ADGRG4: variants seen among roughly 807,000 people sequenced by gnomAD.
ADGRG4 encodes adhesion G protein-coupled receptor G4.
In ADGRG4, 122 loss-of-function variants were observed where a neutral mutation model predicts 126.2. That is an observed-to-expected ratio of 0.97 (90% CI 0.83 to 1.12). The LOEUF is 1.12. Ranked by LOEUF, ADGRG4 falls within the 50% of genes most tolerant of loss-of-function variation. The pLI, the probability that ADGRG4 is intolerant of heterozygous loss-of-function variation, is 0.00. For missense variants in ADGRG4, 2,481 were observed against 2,251.8 expected, an observed-to-expected ratio of 1.10 and a Z score of -2.06; for synonymous variants, 943 against 838.7, an observed-to-expected ratio of 1.12 and a Z score of -2.15.
At position 136,345,927 on chromosome X, in the gene ADGRG4, A is replaced by T; in HGVS notation, c.2221A>T (p.Ile741Leu). Residue 741 changes from isoleucine to leucine, a missense_variant, in exon 6 of 26, where the codon ATA (isoleucine) becomes TTA (leucine). Ile to Leu is a conservative substitution (Grantham distance 5). Transcript: ENST00000394143. Reference protein sequence around the residue: ...LTSPWFANFSIVSGTTSITNM... With the variant: ...LTSPWFANFSLVSGTTSITNM... ...ATCACCATGGTTTGCTAATTTCTCCATAGTTTCTGGAACCACATCCATAAC... is the reference window on the plus strand; with the variant it reads ...ATCACCATGGTTTGCTAATTTCTCCTTAGTTTCTGGAACCACATCCATAAC... 1.7e-6 allele frequency: 2 copies of T among 1,210,658 alleles called. No individual in the cohort carries two copies. Among genetic ancestry groups the T allele is most frequent in the Non-Finnish European group, 2.2e-6 (2 of 894,502 alleles).
intron 5 of ADGRG4, among the ~76,000 whole-genome samples, chrX:136,334,074 CTCTT>C (rs201233200): frequency 0.1 from 8,847 of 88,512 alleles, 502 homozygotes; most frequent in East Asian, 0.17. Context: ...GAGGTTCTCT[CTCTT>C]TCTTTCTTTC....
At chrX:136,404,772 C>G (rs1156387256) in intron 22 of ADGRG4, among the ~76,000 whole-genome samples, 2 of 112,012 alleles carry the variant, frequency 1.8e-5, no homozygotes, top group Admixed American at 1.9e-4. Context: ...TGATGACATT[C>G]AGGGAACTCT....
chrX:136,348,013 T>C lies in ADGRG4; in HGVS notation c.4307T>C (p.Phe1436Ser). Reference protein sequence around the residue: ...ISNPMDINTTFSHLHSLRTQP... With the variant: ...ISNPMDINTTSSHLHSLRTQP... ...AATCCTATGGACATCAATACAACTTTTTCACACTTGCATTCACTTAGGACA... is the reference window on the plus strand; with the variant it reads ...AATCCTATGGACATCAATACAACTTCTTCACACTTGCATTCACTTAGGACA... The change falls in exon 6 of 26, where the codon TTT becomes TCT. Residue 1436 changes from phenylalanine (F) to serine (S), a missense_variant. Phe to Ser is a radical substitution (Grantham distance 155). Transcript: ENST00000394143. The C allele has an allele frequency of 8.3e-7, 1 of 1,210,977 alleles. No individual in the cohort carries two copies. The highest frequency in any genetic ancestry group is 1.8e-5 in the South Asian group (1 of 56,921).
In ADGRG4 at chrX:136,345,479, A is replaced by G. The variant is rs766527246; in HGVS notation, c.1773A>G (p.Ala591=). 1.4e-5 allele frequency: 17 copies of G among 1,209,374 alleles called. No homozygotes were observed. The highest frequency in any genetic ancestry group is 2.2e-6 in the Non-Finnish European group (2 of 894,883). Residue 591 remains alanine (A), a synonymous_variant, in exon 6 of 26, where the codon GCA becomes GCG. Transcript: ENST00000394143. ...RTALTPEITL[A]STVAETMLSS... ...CCTTAACTCCTGAAATCACACTTGCATCTACAGTGGCTGAAACTATGCTTT... is the reference window on the plus strand; with the variant it reads ...CCTTAACTCCTGAAATCACACTTGCGTCTACAGTGGCTGAAACTATGCTTT...
At chrX:136,378,125 C>T in intron 15 of ADGRG4, among the ~76,000 whole-genome samples, 1 of 110,641 alleles carries the variant, frequency 9.0e-6, no homozygotes, top group South Asian at 3.8e-4. Flanking sequence ...TTATTTAGTT[C>T]TATTTACATT....
intron 4 of ADGRG4, among the ~76,000 whole-genome samples, chrX:136,312,313 A>G (rs1313782906): frequency 1.8e-5 from 2 of 112,152 alleles, no homozygotes; most frequent in African/African-American, 6.5e-5. Context: ...CTGGCATTTG[A>G]GAAAAGATAT....
intron 5 of ADGRG4, among the ~76,000 whole-genome samples, chrX:136,335,092 G>A (rs182205544): frequency 9.0e-6 from 1 of 111,172 alleles, no homozygotes; most frequent in African/African-American, 3.3e-5. Context: ...AGATTGTATC[G>A]TGAAGGGATA....
chrX:136,346,491 G>A lies in ADGRG4; in HGVS notation c.2785G>A (p.Glu929Lys). The A allele has an allele frequency of 8.3e-7, 1 of 1,210,678 alleles. No individual in the cohort carries two copies. The highest frequency in any genetic ancestry group is 1.1e-6 in the Non-Finnish European group (1 of 894,617). The change falls in exon 6 of 26, where the codon GAA (glutamate) becomes AAA (lysine). Residue 929 changes from glutamate to lysine, a missense_variant. By Grantham distance (56) the Glu-to-Lys change is moderately conservative. Coordinates refer to ENST00000394143, the MANE Select transcript of ADGRG4 (RefSeq NM_153834.4). ...TPRSSYNEMT[E>K]MFNFNHTYVA... ...TAGGAGTTCATACAATGAAATGACAGAAATGTTTAATTTTAACCACACCTA... is the reference window on the plus strand; with the variant it reads ...TAGGAGTTCATACAATGAAATGACAAAAATGTTTAATTTTAACCACACCTA...
chrX:136,346,713 C>T lies in ADGRG4; in HGVS notation c.3007C>T (p.His1003Tyr). ...CTTACCTCCACAGCCTACAGCTGCT[C>T]ATTCCTCAGCAACCCCTGTGCCTGT... ...GILPPQPTAA[H>Y]SSATPVPVTH... The change falls in exon 6 of 26, where the codon CAT (histidine) becomes TAT (tyrosine). Residue 1003 changes from histidine to tyrosine, a missense_variant. Coordinates refer to ENST00000394143, the MANE Select transcript of ADGRG4 (RefSeq NM_153834.4). The T allele has an allele frequency of 4.1e-6, 5 of 1,210,110 alleles. No homozygotes were observed. The East Asian group carries it at 1.5e-4, about 36-fold the overall frequency.
At chrX:136,319,438 A>G (rs1279069496) in intron 4 of ADGRG4, among the ~76,000 whole-genome samples, 6 of 112,154 alleles carry the variant, frequency 5.3e-5, no homozygotes, top group Non-Finnish European at 1.1e-4. Flanking sequence ...GTAGGCAGTT[A>G]TTATTTCCAT....
intron 5 of ADGRG4, among the ~76,000 whole-genome samples, chrX:136,331,941 C>A (rs1452173577): frequency 4.6e-5 from 5 of 108,464 alleles, no homozygotes; most frequent in African/African-American, 1.7e-4. Flanking sequence ...CTCAGCCTCC[C>A]AAGTAGCTGG....
In ADGRG4 at chrX:136,346,057, C is replaced by T. The variant is rs914911331; in HGVS notation, c.2351C>T (p.Pro784Leu). The stretch of plus-strand genomic sequence containing the variant: ...TTGACACCAAGGGAGACTGTTGTTC[C>T]ATCAGTAGATATAATATCTACTCTT... The part of the protein sequence containing the change: ...LPLTPRETVV[P>L]SVDIISTLAC... The change falls in exon 6 of 26, where the codon CCA (proline) becomes CTA (leucine). Residue 784 changes from proline to leucine, a missense_variant. Physicochemically the swap from Pro to Leu is moderately conservative, Grantham distance 98. Coordinates refer to ENST00000394143, the MANE Select transcript of ADGRG4 (RefSeq NM_153834.4). 1.7e-6 allele frequency: 2 copies of T among 1,207,051 alleles called. No homozygotes were observed. The highest frequency in any genetic ancestry group is 1.8e-5 in the African/African-American group (1 of 57,048).
chrX:136,346,107 A>G lies in ADGRG4; in HGVS notation c.2401A>G (p.Thr801Ala), dbSNP rs781081646. 2 of 1,210,238 alleles carry G rather than the reference A, an allele frequency of 1.7e-6. No individual in the cohort carries two copies. Among genetic ancestry groups the G allele is most frequent in the South Asian group, 1.8e-5 (1 of 56,741 alleles). The change falls in exon 6 of 26, where the codon ACT (threonine) becomes GCT (alanine). Residue 801 changes from threonine to alanine, a missense_variant. Transcript: ENST00000394143. ...TLACIQPNFS[T>A]EESASETTQT... ...TGCTTGCATTCAACCAAATTTTTCT[A>G]CTGAGGAAAGTGCTTCTGAGACCAC...
chrX:136,317,205 A>T (rs976427762), intron 4 of ADGRG4, among the ~76,000 whole-genome samples: 11 of 111,488 alleles, frequency 9.9e-5, no homozygotes, highest in African/African-American at 3.6e-4. Flanking sequence ...ATTCTTAGAA[A>T]TGACACCAAA....
intron 13 of ADGRG4, 112 bp downstream of exon 13, chrX:136,363,707 C>A: frequency 1.9e-6 from 1 of 513,568 alleles, no homozygotes; most frequent in Non-Finnish European, 3.5e-6. Flanking sequence ...ATCTACCTTA[C>A]GACAATCCAA....
chrX:136,388,931 T>A (rs1290278322), intron 16 of ADGRG4, among the ~76,000 whole-genome samples: 1 of 112,196 alleles, frequency 8.9e-6, no homozygotes, highest in Non-Finnish European at 1.9e-5. Context: ...TTTTCCCAGA[T>A]GTGTTTGTAT....
chrX:136,352,148 G>A (rs1365124082), intron 7 of ADGRG4, among the ~76,000 whole-genome samples: 1 of 111,652 alleles, frequency 9.0e-6, no homozygotes, highest in Non-Finnish European at 1.9e-5. Flanking sequence ...ATTGATGCAT[G>A]TGTGTTCTTT....
chrX:136,415,573 C>T (rs1201427552), intron 25 of ADGRG4, among the ~76,000 whole-genome samples: 1 of 111,185 alleles, frequency 9.0e-6, no homozygotes, highest in African/African-American at 3.3e-5. Flanking sequence ...TGAGAAAAAC[C>T]TTTCCCTGGC....
Position 136,322,848 on chromosome X carries a change from T to C in ADGRG4, c.141T>C (p.Asp47=). 1.5e-5 allele frequency: 18 copies of C among 1,210,538 alleles called. No homozygotes were observed. The highest frequency in any genetic ancestry group is 2.0e-5 in the Non-Finnish European group (18 of 894,494). The change falls in exon 5 of 26, where the codon GAT becomes GAC. Residue 47 remains aspartate (D), a synonymous_variant. Transcript: ENST00000394143. The part of the protein sequence containing the change: ...GRGDTYVSLI[D]TIPELSRFTA... ...GTGACACATATGTAAGCCTGATAGA[T>C]ACCATTCCTGAACTCAGCCGATTCA... is the stretch of plus-strand genomic sequence containing the variant.
Sources: allele counts gnomAD v4.1 joint callset (sites outside exome capture counted in the v4.1 genomes callset), GRCh38; gene constraint gnomAD v4.1.1; transcripts MANE v1.5; gene names NCBI Gene and HGNC (gene_info 2026-07-23, HGNC 2026-07-21).